PDE8B: variants seen among roughly 807,000 people sequenced by gnomAD.
PDE8B encodes phosphodiesterase 8B, also known as high affinity cAMP-specific and IBMX-insensitive 3',5'-cyclic phosphodiesterase 8B.
In PDE8B, 26 loss-of-function variants were observed where a neutral mutation model predicts 101.3. The observed-to-expected ratio is 0.26, with a 90% CI of 0.19 to 0.36. PDE8B has a LOEUF of 0.36. Among genes scored for constraint, PDE8B ranks in the 10% least tolerant of loss-of-function variants. PDE8B has a pLI of 1.00. For missense variants in PDE8B, 810 were observed against 1,163.1 expected (o/e 0.70, Z 4.42); for synonymous variants, 424 against 429.3 (o/e 0.99, Z 0.15).
the PDE8B span, among the ~76,000 whole-genome samples, chr5:77,127,737 G>T: frequency 6.6e-6 from 1 of 152,206 alleles, no homozygotes; most frequent in African/African-American, 2.4e-5. Context: ...CTCCTGGCAA[G>T]ATGAGGCTGA....
chr5:77,120,966 G>A, the PDE8B span, among the ~76,000 whole-genome samples: 1 of 152,214 alleles, frequency 6.6e-6, no homozygotes, highest in Admixed American at 6.5e-5. Flanking sequence ...TTGCACCTGT[G>A]TGTAGCTGGT....
Position 77,351,213 on chromosome 5 carries a change from A to G in PDE8B, c.1106+60A>G, listed in dbSNP as rs1416840225. On this transcript the variant is annotated intron_variant, in intron 9 of 21. Coordinates refer to ENST00000264917, the MANE Select transcript of PDE8B (RefSeq NM_003719.5). ...ATAAAGACTCAAGGCCCTCATGGGC[A>G]TTGGGCTTGAAATGCCAGTATGAGC... The G allele has an allele frequency of 8.0e-6, 10 of 1,245,036 alleles. No homozygotes were observed. In the East Asian group the frequency reaches 2.3e-4, roughly 29 times the overall value. The allele number at this position is 1,245,036 out of a possible 1,614,324, so 77.1% of individuals were successfully genotyped here.
the PDE8B span, among the ~76,000 whole-genome samples, chr5:77,116,204 C>CTATATATATATATATATA: frequency 6.6e-5 from 6 of 91,110 alleles, no homozygotes; most frequent in African/African-American, 2.8e-4. Context: ...CCGAGTTCTT[C>CTATATATATATATATATA]TATATATATA....
chr5:77,413,043 A>G (rs1194971914), intron 16 of PDE8B, 68 bp from the exon 17 acceptor site: 2 of 1,297,106 alleles, frequency 1.5e-6, no homozygotes, highest in Non-Finnish European at 2.2e-6. Context: ...ATGCCCCACT[A>G]TCATCAAAGA....
At chr5:77,326,157 C>A (rs1160724452) in intron 3 of PDE8B, among the ~76,000 whole-genome samples, 1 of 152,180 alleles carries the variant, frequency 6.6e-6, no homozygotes, top group East Asian at 1.9e-4. Context: ...ATGGGTAGAT[C>A]CCATAGCAGG....
intron 1 of PDE8B, among the ~76,000 whole-genome samples, chr5:77,283,149 T>A (rs968787192): frequency 3.9e-5 from 6 of 152,188 alleles, no homozygotes; most frequent in Admixed American, 3.9e-4. Flanking sequence ...ATTTCTTTTT[T>A]AAAAAAATAG....
rs4704409 is a variant in PDE8B, at chr5:77,341,929, A to G, written c.798-2924A>G. On this transcript the variant is annotated intron_variant, in intron 6 of 21. Coordinates refer to ENST00000264917, the MANE Select transcript of PDE8B (RefSeq NM_003719.5). ...CTGCGCCTGTAAGCCATTTCAGTTGAGTTAGGTTAATATTCTCCTCTGCTC... is the reference window on the plus strand; with the variant it reads ...CTGCGCCTGTAAGCCATTTCAGTTGGGTTAGGTTAATATTCTCCTCTGCTC... Among the ~76,000 whole-genome samples the G allele has an allele frequency of 2.8e-3, 421 of 152,308 alleles. 14 individuals are homozygous for G. In the East Asian group the frequency reaches 0.068, roughly 24 times the overall value.
chr5:77,427,624 A>T lies in PDE8B; in HGVS notation c.*1070A>T, dbSNP rs2151264458. On this transcript the variant is annotated 3_prime_UTR_variant, in exon 22 of 22. Coordinates refer to ENST00000264917, the MANE Select transcript of PDE8B (RefSeq NM_003719.5). ...TAAAATTGTGTGGTGTAAATATATC[A>T]GAAAATAGGCATATGGGGAGGCAGT... is the stretch of plus-strand genomic sequence containing the variant. The T allele has an allele frequency of 6.6e-6, 1 of 152,296 alleles. No individual in the cohort carries two copies. The highest frequency in any genetic ancestry group is 2.4e-5 in the African/African-American group (1 of 41,566). The allele number at this position is 152,296 out of a possible 1,614,324, so 9.4% of individuals were successfully genotyped here.
intron 1 of PDE8B, among the ~76,000 whole-genome samples, chr5:77,243,332 T>C (rs962088184): frequency 4.6e-5 from 7 of 152,184 alleles, no homozygotes; most frequent in African/African-American, 1.4e-4. Context: ...TTTTTTGTTT[T>C]GAAAAAACAC....
the PDE8B span, among the ~76,000 whole-genome samples, chr5:77,116,234 T>A: frequency 5.9e-4 from 81 of 137,300 alleles, no homozygotes; most frequent in Middle Eastern, 3.7e-3. Context: ...ATTTTTTTTT[T>A]TTTTTTTTTT....
the PDE8B span, among the ~76,000 whole-genome samples, chr5:77,182,917 A>ATT: frequency 5.9e-5 from 9 of 151,506 alleles, no homozygotes; most frequent in African/African-American, 2.2e-4. Flanking sequence ...CAGGATGACA[A>ATT]TTTTTTTTAC....
At chr5:77,324,922 G>A (rs1775768049) in intron 2 of PDE8B, among the ~76,000 whole-genome samples, 1 of 152,190 alleles carries the variant, frequency 6.6e-6, no homozygotes, top group Non-Finnish European at 1.5e-5. Flanking sequence ...ATTGCAGTGA[G>A]TAACAATCAC....
At chr5:77,314,546 GGATCTTGTATCC>G (rs1773374230) in intron 2 of PDE8B, among the ~76,000 whole-genome samples, 4 of 151,926 alleles carry the variant, frequency 2.6e-5, no homozygotes, top group African/African-American at 9.7e-5. Context: ...CTATTTTGCA[GGATCTTGTATCC>G]TGCAAGCTTG....
Position 77,228,050 on chromosome 5 carries a change from T to C in PDE8B, c.339+16786T>C, listed in dbSNP as rs536660932. Among the ~76,000 whole-genome samples the C allele has an allele frequency of 3.3e-5, 5 of 152,304 alleles. No individual in the cohort carries two copies. The East Asian group carries it at 9.7e-4, about 29-fold the overall frequency. On this transcript the variant is annotated intron_variant, in intron 1 of 21. Transcript: ENST00000264917. Reference sequence around the variant, plus strand: ...GTGTCTTACAAGGCTGCAATCAAGATGTTGGCTAGGGCAGGGTCTTATCTG... The same window carrying C: ...GTGTCTTACAAGGCTGCAATCAAGACGTTGGCTAGGGCAGGGTCTTATCTG...
rs534101536 is a variant in PDE8B at position 77,247,812 on chromosome 5, C to T, written c.339+36548C>T. On this transcript the variant is annotated intron_variant, in intron 1 of 21. Transcript: ENST00000264917. ...TGGAAATCATGTCCTAGTATGATAA[C>T]TATGAATCCTTTCTGCCTCTTACCC... 2.0e-5 allele frequency among the ~76,000 whole-genome samples: 3 copies of T among 152,268 alleles called. No homozygotes were observed. In the East Asian group the frequency reaches 5.8e-4, roughly 29 times the overall value.
the PDE8B span, among the ~76,000 whole-genome samples, chr5:77,142,857 G>T: frequency 6.6e-6 from 1 of 151,794 alleles, no homozygotes; most frequent in South Asian, 2.1e-4. Flanking sequence ...AAAAACAGAC[G>T]CTTTGCTCAG....
chr5:77,225,506 C>T (rs1406696742), intron 1 of PDE8B, among the ~76,000 whole-genome samples: 9 of 152,032 alleles, frequency 5.9e-5, no homozygotes, highest in Non-Finnish European at 1.2e-4. Context: ...AGGTTTGTTG[C>T]GTCCATTCCC....
intron 6 of PDE8B, among the ~76,000 whole-genome samples, chr5:77,339,199 C>T (rs1778740824): frequency 6.6e-6 from 1 of 152,188 alleles, no homozygotes; most frequent in African/African-American, 2.4e-5. Context: ...AAGTACTATA[C>T]TTCTGACCCC....
chr5:77,221,319 G>A (rs536530574), intron 1 of PDE8B, among the ~76,000 whole-genome samples: 2 of 152,130 alleles, frequency 1.3e-5, no homozygotes, highest in East Asian at 3.9e-4. Flanking sequence ...GAGGAACCTG[G>A]GTTGTTTGTC....
Sources: gnomAD v4.1 joint callset for allele counts (sites outside exome capture counted in the v4.1 genomes callset) on GRCh38, gnomAD v4.1.1 for gene constraint, MANE v1.5 for transcripts, NCBI Gene and HGNC (gene_info 2026-07-23, HGNC 2026-07-21) for gene names.